RBFOX1: variants seen among roughly 807,000 people sequenced by gnomAD.
RBFOX1 encodes the protein RNA binding fox-1 homolog 1, also known as RNA binding protein fox-1 homolog 1.
Under a neutral mutation model 57.7 loss-of-function variants are expected in RBFOX1, and 8 were observed. The observed-to-expected ratio is 0.14, with a 90% confidence interval of 0.08 to 0.25. The LOEUF (loss-of-function observed/expected upper bound fraction) is 0.25, where lower values mean the gene tolerates loss of function less well. Ranked by LOEUF, RBFOX1 falls within the 10% of genes least tolerant of loss-of-function variation. The pLI is 1.00. For synonymous variants in RBFOX1, 326 were observed against 222.4 expected, an observed-to-expected ratio of 1.47 and a Z score of -4.15; for missense variants, 611 against 548.5, an observed-to-expected ratio of 1.11 and a Z score of -1.14.
In RBFOX1 at chr16:7,432,068, C is replaced by T. The variant is rs993618536; in HGVS notation, c.28-86079C>T. Among the ~76,000 whole-genome samples the T allele has an allele frequency of 1.8e-4, 28 of 152,208 alleles. 1 individual carries two copies. The highest frequency in any genetic ancestry group is 1.6e-3 in the Admixed American group (25 of 15,284). The stretch of plus-strand genomic sequence containing the variant: ...CCCAGTGGGAAGGAGGGTGTCACTT[C>T]AGCAGTGGGGGCAGATGGGTCTTCA... On this transcript the variant is annotated intron_variant, in intron 4 of 15. Coordinates refer to ENST00000550418, the MANE Select transcript of RBFOX1 (RefSeq NM_018723.4).
intron 3 of RBFOX1, among the ~76,000 whole-genome samples, chr16:5,861,639 T>G (rs1188396038): frequency 6.6e-6 from 1 of 152,170 alleles, no homozygotes; most frequent in African/African-American, 2.4e-5. Flanking sequence ...CCTTCACCCA[T>G]AGGACTCCCC....
intron 3 of RBFOX1, among the ~76,000 whole-genome samples, chr16:6,779,947 T>TTA (rs1188580797): frequency 7.5e-5 from 2 of 26,750 alleles, no homozygotes; most frequent in Non-Finnish European, 5.8e-5. Context: ...TTATATATAT[T>TTA]TATATATTTA....
At chr16:5,328,902 T>G (rs1425505051) in intron 1 of RBFOX1, among the ~76,000 whole-genome samples, 1 of 152,226 alleles carries the variant, frequency 6.6e-6, no homozygotes, top group Non-Finnish European at 1.5e-5. Flanking sequence ...TCCTACCCAG[T>G]TCCTGAGTAC....
intron 3 of RBFOX1, among the ~76,000 whole-genome samples, chr16:6,798,544 A>T (rs796498936): frequency 2.0e-5 from 3 of 152,116 alleles, no homozygotes; most frequent in Non-Finnish European, 2.9e-5. Context: ...AACACCCCCA[A>T]TTCTAACTGC....
intron 3 of RBFOX1, among the ~76,000 whole-genome samples, chr16:6,757,294 T>C (rs1272635533): frequency 6.6e-6 from 1 of 152,164 alleles, no homozygotes; most frequent in Non-Finnish European, 1.5e-5. Flanking sequence ...AATCCCACTG[T>C]GGATATTTAC....
intron 4 of RBFOX1, among the ~76,000 whole-genome samples, chr16:7,478,932 A>G (rs1034191268): frequency 3.3e-5 from 5 of 151,994 alleles, no homozygotes; most frequent in Admixed American, 6.6e-5. Context: ...GAGTACCATC[A>G]TTTCGTTTGT....
chr16:7,337,914 A>T (rs2096823874), intron 4 of RBFOX1, among the ~76,000 whole-genome samples: 1 of 152,112 alleles, frequency 6.6e-6, no homozygotes, highest in Non-Finnish European at 1.5e-5. Context: ...TGAACTCTTG[A>T]CCTCATGATC....
At chr16:6,546,067 T>A (rs553706752) in intron 2 of RBFOX1, among the ~76,000 whole-genome samples, 123 of 152,306 alleles carry the variant, frequency 8.1e-4, no homozygotes, top group African/African-American at 2.7e-3. Flanking sequence ...TATTAAAAAA[T>A]CACAGAAAAA....
chr16:7,253,279 C>G (rs1473166684), intron 4 of RBFOX1, among the ~76,000 whole-genome samples: 2 of 152,222 alleles, frequency 1.3e-5, no homozygotes, highest in Non-Finnish European at 2.9e-5. Flanking sequence ...ATCATTCTGT[C>G]AGTTCTGTGG....
Position 5,950,904 on chromosome 16 carries a change from C to T in RBFOX1, c.351+83569C>T, listed in dbSNP as rs562935705. ...GATGGCATTATGGGGGAGGGGCATCCAACCCAGGCCAGAGAGGATAAGAGA... is the reference window on the plus strand; with the variant it reads ...GATGGCATTATGGGGGAGGGGCATCTAACCCAGGCCAGAGAGGATAAGAGA... On this transcript the variant is annotated intron_variant, in intron 4 of 19. Transcript: ENST00000641259. Among the ~76,000 whole-genome samples the T allele has an allele frequency of 6.6e-5, 10 of 152,174 alleles. No individual in the cohort carries two copies. The South Asian group carries it at 2.1e-3, about 32-fold the overall frequency.
At chr16:5,501,769 A>T (rs2043205616) in intron 2 of RBFOX1, among the ~76,000 whole-genome samples, 1 of 152,148 alleles carries the variant, frequency 6.6e-6, no homozygotes, top group African/African-American at 2.4e-5. Flanking sequence ...GCTGGAGTGT[A>T]GTGGTGCGGT....
At chr16:7,468,258 G>T (rs1345518635) in intron 4 of RBFOX1, among the ~76,000 whole-genome samples, 1 of 152,056 alleles carries the variant, frequency 6.6e-6, no homozygotes, top group Non-Finnish European at 1.5e-5. Flanking sequence ...TTTACCATTG[G>T]GAACACCCCA....
intron 1 of RBFOX1, among the ~76,000 whole-genome samples, chr16:6,086,021 T>A: frequency 6.6e-6 from 1 of 152,228 alleles, no homozygotes; most frequent in Non-Finnish European, 1.5e-5. Flanking sequence ...CCCCTCCCTG[T>A]GTCCATGTCT....
At chr16:7,695,398 A>G (rs1366022820) in intron 14 of RBFOX1, among the ~76,000 whole-genome samples, 2 of 22,088 alleles carry the variant, frequency 9.1e-5, no homozygotes, top group East Asian at 6.3e-4. Context: ...CTACATGCTG[A>G]AAAAACCTGC....
At chr16:7,092,280 G>A (rs943613763) in intron 4 of RBFOX1, among the ~76,000 whole-genome samples, 15 of 152,150 alleles carry the variant, frequency 9.9e-5, no homozygotes, top group Non-Finnish European at 7.4e-5. Flanking sequence ...AGCCAGAAAT[G>A]CTATCGCATT....
intron 1 of RBFOX1, among the ~76,000 whole-genome samples, chr16:5,339,881 G>A (rs566528570): frequency 1.3e-5 from 2 of 152,050 alleles, no homozygotes; most frequent in Non-Finnish European, 2.9e-5. Flanking sequence ...TAGAATCCAG[G>A]TTGGCTGCAG....
intron 2 of RBFOX1, among the ~76,000 whole-genome samples, chr16:5,536,577 T>C (rs1192071111): frequency 2.0e-5 from 3 of 152,090 alleles, no homozygotes; most frequent in African/African-American, 7.2e-5. Flanking sequence ...AGCCGATCAC[T>C]GAGACAATGA....
chr16:7,297,314 A>T (rs1239204647), intron 4 of RBFOX1, among the ~76,000 whole-genome samples: 1 of 152,178 alleles, frequency 6.6e-6, no homozygotes, highest in East Asian at 1.9e-4. Context: ...TGGGTTTGGA[A>T]ATCAGTTGCA....
intron 1 of RBFOX1, among the ~76,000 whole-genome samples, chr16:5,256,184 T>A (rs2151088872): frequency 6.6e-6 from 1 of 152,230 alleles, no homozygotes; most frequent in Middle Eastern, 3.4e-3. Flanking sequence ...AGAAAAAAGT[T>A]CCCCATTGAA....
Sources: gnomAD v4.1 joint callset for allele counts (sites outside exome capture counted in the v4.1 genomes callset) on GRCh38, gnomAD v4.1.1 for gene constraint, MANE v1.5 for transcripts, NCBI Gene and HGNC (gene_info 2026-07-23, HGNC 2026-07-21) for gene names.